Variants in UNC13B observed in about 807,000 individuals in gnomAD.
UNC13B encodes unc-13 homolog B, also known as protein unc-13 homolog B.
Under a neutral mutation model 211.0 loss-of-function variants are expected in UNC13B, and 144 were observed. The ratio of observed to expected loss-of-function variants is 0.68; its 90% CI spans 0.60 to 0.78. The LOEUF is 0.78. Among genes scored for constraint, UNC13B ranks in the 30% least tolerant of loss-of-function variants. The pLI is 0.00. For missense variants in UNC13B, 1,777 were observed against 2,002.0 expected (o/e 0.89, Z 2.14); for synonymous variants, 709 against 725.8 (o/e 0.98, Z 0.37).
rs910233139 is a variant in UNC13B, at chr9:35,305,331, C to T, written c.5927C>T (p.Ser1976Phe). The T allele has an allele frequency of 2.5e-6, 1 of 398,772 alleles. No individual in the cohort carries two copies. Among genetic ancestry groups the T allele is most frequent in the Admixed American group, 4.4e-5 (1 of 22,708 alleles). 24.7% of individuals were successfully genotyped at this position (398,772 alleles called of 1,614,324 possible). ...KIPPQEKKESSGVSNFWGTLG... is the reference protein window; with the variant it reads ...KIPPQEKKESFGVSNFWGTLG... ...CCACCTCAAGAAAAGAAAGAATCTT[C>T]TGGTGTTTCAAATTTTTGGGGTACC... is the stretch of plus-strand genomic sequence containing the variant. Residue 1976 changes from serine to phenylalanine, a missense_variant, in exon 9 of 40, where the codon TCT becomes TTT. Coordinates refer to ENST00000635942, the MANE Select transcript of UNC13B (RefSeq NM_001371189.2).
chr9:35,208,237 A>G (rs893322875), intron 1 of UNC13B, among the ~76,000 whole-genome samples: 2 of 152,266 alleles, frequency 1.3e-5, no homozygotes, highest in South Asian at 4.1e-4. Context: ...CTCTAGACCA[A>G]TTGCTTTCAG....
chr9:35,197,783 CG>C (rs1230763213), intron 1 of UNC13B, among the ~76,000 whole-genome samples: 11 of 152,098 alleles, frequency 7.2e-5, no homozygotes, highest in Non-Finnish European at 1.5e-4. Context: ...CTGCTCCAAC[CG>C]GGTAAGATGT....
At chr9:35,383,845 G>C (rs1357093380) in intron 21 of UNC13B, among the ~76,000 whole-genome samples, 1 of 152,050 alleles carries the variant, frequency 6.6e-6, no homozygotes, top group Non-Finnish European at 1.5e-5. Context: ...ACTACCCCGA[G>C]ATAAGTCAGG....
intron 1 of UNC13B, among the ~76,000 whole-genome samples, chr9:35,174,112 G>C (rs1821479905): frequency 6.6e-6 from 1 of 150,570 alleles, no homozygotes; most frequent in South Asian, 2.1e-4. Context: ...TCTAAGACAG[G>C]GAGCTGAAAG....
At chr9:35,172,417 A>T (rs1821382707) in intron 1 of UNC13B, among the ~76,000 whole-genome samples, 1 of 152,080 alleles carries the variant, frequency 6.6e-6, no homozygotes, top group South Asian at 2.1e-4. Flanking sequence ...ATCTTATTCC[A>T]TTTATCCAAC....
intron 3 of UNC13B, among the ~76,000 whole-genome samples, chr9:35,232,948 T>A (rs1442765734): frequency 6.6e-6 from 1 of 152,044 alleles, no homozygotes; most frequent in East Asian, 1.9e-4. Context: ...CAGGAGATAA[T>A]GGTGTCTTGG....
At chr9:35,213,663 T>C (rs1437977327) in intron 1 of UNC13B, among the ~76,000 whole-genome samples, 2 of 152,138 alleles carry the variant, frequency 1.3e-5, no homozygotes, top group African/African-American at 4.8e-5. Context: ...ATATGCTCAG[T>C]TAAAGCCTGG....
chr9:35,349,015 T>C (rs1338665210), intron 11 of UNC13B, among the ~76,000 whole-genome samples: 1 of 152,114 alleles, frequency 6.6e-6, no homozygotes, highest in Admixed American at 6.5e-5. Context: ...CCTCCTGGGT[T>C]CAAGTGATTC....
At chr9:35,392,947 G>A (rs1327598898) in intron 26 of UNC13B, among the ~76,000 whole-genome samples, 1 of 152,116 alleles carries the variant, frequency 6.6e-6, no homozygotes. Flanking sequence ...AATTTAATGA[G>A]TTTTGACAAA....
chr9:35,399,111 A>C (rs771840965), intron 33 of UNC13B, 50 bp from the exon 34 acceptor site: 1 of 1,614,048 alleles, frequency 6.2e-7, no homozygotes, highest in East Asian at 2.2e-5. Flanking sequence ...CCTTGGGGAG[A>C]GGGGTTCTCA....
rs541288888 is a variant in UNC13B at position 35,177,119 on chromosome 9, A to T, written c.22+14814A>T. On this transcript the variant is annotated intron_variant, in intron 1 of 39. Transcript: ENST00000635942. Reference sequence around the variant, plus strand: ...ACATGACGAAACCCCATCTCTATTTAAAAAAAATTAAAAAAAAATTAGTCG... The same window carrying T: ...ACATGACGAAACCCCATCTCTATTTTAAAAAAATTAAAAAAAAATTAGTCG... Among the ~76,000 whole-genome samples the T allele has an allele frequency of 4.0e-4, 61 of 152,002 alleles. 1 individual carries two copies. Among genetic ancestry groups the T allele is most frequent in the Non-Finnish European group, 7.9e-4 (54 of 67,946 alleles).
chr9:35,398,496 G>A (rs1836041248), intron 31 of UNC13B, 58 bp from the exon 32 acceptor site: 1 of 1,543,560 alleles, frequency 6.5e-7, no homozygotes, highest in African/African-American at 1.4e-5. Context: ...TAGGGGTGTG[G>A]CAGGGTAGAA....
chr9:35,260,818 C>A (rs1266826769), intron 7 of UNC13B, among the ~76,000 whole-genome samples: 1 of 152,060 alleles, frequency 6.6e-6, no homozygotes, highest in Admixed American at 6.6e-5. Flanking sequence ...TTGATTTAAT[C>A]TTTTAAACCT....
chr9:35,186,600 TGA>T (rs1427327974), intron 1 of UNC13B, among the ~76,000 whole-genome samples: 1 of 146,224 alleles, frequency 6.8e-6, no homozygotes, highest in Non-Finnish European at 1.5e-5. Flanking sequence ...CTCTCTCTAG[TGA>T]GAGAGAGGGG....
intron 11 of UNC13B, among the ~76,000 whole-genome samples, chr9:35,337,998 G>A (rs1564145272): frequency 6.6e-6 from 1 of 152,176 alleles, no homozygotes; most frequent in Admixed American, 6.5e-5. Flanking sequence ...TGGGTATAGA[G>A]ATTGAGGCAG....
At chr9:35,353,449 ACTGGAGAGCC>A in intron 11 of UNC13B, 1 of 1,232,228 alleles carries the variant, frequency 8.1e-7, no homozygotes, top group Non-Finnish European at 1.0e-6. Context: ...AGGATTGCTC[ACTGGAGAGCC>A]CTGGGAGTCA....
chr9:35,270,523 T>G (rs900995736), intron 7 of UNC13B, among the ~76,000 whole-genome samples: 1 of 152,122 alleles, frequency 6.6e-6, no homozygotes, highest in African/African-American at 2.4e-5. Flanking sequence ...ACAAACAAAT[T>G]TTAGGATTAA....
intron 7 of UNC13B, among the ~76,000 whole-genome samples, chr9:35,294,139 A>C (rs976946374): frequency 6.6e-6 from 1 of 152,058 alleles, no homozygotes; most frequent in Non-Finnish European, 1.5e-5. Flanking sequence ...TATTATCTTC[A>C]ATATGGCCCC....
intron 14 of UNC13B, 116 bp downstream of exon 14, chr9:35,375,317 G>C: frequency 8.9e-7 from 1 of 1,128,404 alleles, no homozygotes; most frequent in Non-Finnish European, 1.3e-6. Flanking sequence ...GACACACATT[G>C]CTGATGAAAA....
Sources: gnomAD v4.1 joint callset for allele counts (sites outside exome capture counted in the v4.1 genomes callset) on GRCh38, gnomAD v4.1.1 for gene constraint, MANE v1.5 for transcripts, NCBI Gene and HGNC (gene_info 2026-07-23, HGNC 2026-07-21) for gene names.